The following QTMAN variants were observed in gnomAD, a reference collection of about 807,000 sequenced individuals.
The protein encoded by QTMAN is tRNA-queuosine alpha-mannosyltransferase.
At chr2:144,249,095 G>A in the QTMAN span, among the ~76,000 whole-genome samples, 1,076 of 152,210 alleles carry the variant, frequency 7.1e-3, 12 homozygotes, top group African/African-American at 0.025. Context: ...AAATGAAGTC[G>A]AAATTTAAAT....
the QTMAN span, among the ~76,000 whole-genome samples, chr2:144,211,942 G>T: frequency 6.6e-6 from 1 of 152,134 alleles, no homozygotes; most frequent in Non-Finnish European, 1.5e-5. Context: ...AGGCTAATAA[G>T]GAGTGAGTAC....
At chr2:144,064,908 G>A in the QTMAN span, among the ~76,000 whole-genome samples, 2 of 152,092 alleles carry the variant, frequency 1.3e-5, no homozygotes, top group African/African-American at 4.8e-5. Flanking sequence ...TATGAAAATG[G>A]GAGCCCAGAA....
At chr2:144,332,577 G>T in the QTMAN span, 10 of 149,100 alleles carry the variant, frequency 6.7e-5, no homozygotes, top group African/African-American at 2.4e-4. Context: ...CTCGGCCTCC[G>T]GGCGCGTCAG....
the QTMAN span, among the ~76,000 whole-genome samples, chr2:144,022,349 G>A: frequency 6.6e-6 from 1 of 151,672 alleles, no homozygotes; most frequent in Non-Finnish European, 1.5e-5. Flanking sequence ...GAGTGCAGTG[G>A]TATGATCACA....
chr2:144,314,082 A>G, the QTMAN span, among the ~76,000 whole-genome samples: 1 of 152,182 alleles, frequency 6.6e-6, no homozygotes, highest in Non-Finnish European at 1.5e-5. Context: ...TGTTCATAAA[A>G]TGACTTATAC....
chr2:144,027,296 A>G, the QTMAN span, among the ~76,000 whole-genome samples: 4 of 152,242 alleles, frequency 2.6e-5, no homozygotes, highest in Non-Finnish European at 4.4e-5. Flanking sequence ...TCACAGCATT[A>G]TATTACGTTG....
the QTMAN span, among the ~76,000 whole-genome samples, chr2:144,059,203 G>T: frequency 6.6e-6 from 1 of 152,022 alleles, no homozygotes; most frequent in Non-Finnish European, 1.5e-5. Flanking sequence ...CATAGTTTTT[G>T]TGCCTCTAGT....
the QTMAN span, among the ~76,000 whole-genome samples, chr2:143,985,839 C>T: frequency 5.3e-5 from 8 of 152,076 alleles, no homozygotes; most frequent in Non-Finnish European, 1.0e-4. Flanking sequence ...TCCTTTATAT[C>T]TTCATAGTTT....
the QTMAN span, among the ~76,000 whole-genome samples, chr2:144,062,291 G>A: frequency 6.4e-4 from 98 of 152,248 alleles, no homozygotes; most frequent in African/African-American, 2.2e-3. Flanking sequence ...CACAGTGGCC[G>A]AGTAAACAAG....
chr2:144,124,206 T>C, the QTMAN span, among the ~76,000 whole-genome samples: 17 of 152,152 alleles, frequency 1.1e-4, 1 homozygote, highest in African/African-American at 4.1e-4. Flanking sequence ...AAGAAGCAAG[T>C]GCCATACCAG....
chr2:144,325,739 AC>A, the QTMAN span, among the ~76,000 whole-genome samples: 5 of 152,304 alleles, frequency 3.3e-5, no homozygotes, highest in African/African-American at 1.2e-4. Context: ...ACATATACAC[AC>A]ACTCCACTAC....
At chr2:143,990,593 T>C in the QTMAN span, among the ~76,000 whole-genome samples, 1 of 152,198 alleles carries the variant, frequency 6.6e-6, no homozygotes, top group Admixed American at 6.5e-5. Context: ...AATTCTCCTG[T>C]AATTTCCTAA....
At chr2:143,991,621 C>T in the QTMAN span, among the ~76,000 whole-genome samples, 6 of 144,052 alleles carry the variant, frequency 4.2e-5, no homozygotes, top group East Asian at 2.2e-4. Flanking sequence ...CGCCTCTGCC[C>T]GGCCGCCCCT....
chr2:143,946,943 G>A, the QTMAN span: 1 of 767,326 alleles, frequency 1.3e-6, no homozygotes, highest in Non-Finnish European at 2.2e-6. Context: ...GCCAGGCTCA[G>A]CTTCCTCTGC....
the QTMAN span, among the ~76,000 whole-genome samples, chr2:144,035,643 G>A: frequency 6.6e-6 from 1 of 152,170 alleles, no homozygotes; most frequent in Non-Finnish European, 1.5e-5. Context: ...TTTGACAGAT[G>A]TGTAGAAACT....
the QTMAN span, among the ~76,000 whole-genome samples, chr2:144,292,699 G>A: frequency 3.9e-5 from 6 of 152,052 alleles, no homozygotes; most frequent in African/African-American, 1.4e-4. Flanking sequence ...AATGGAAATT[G>A]AGTATGTTCA....
the QTMAN span, among the ~76,000 whole-genome samples, chr2:144,242,905 T>C: frequency 7.3e-6 from 1 of 136,828 alleles, no homozygotes; most frequent in Non-Finnish European, 1.5e-5. Context: ...GAGGTTGCAG[T>C]GAGCCGAAAT....
At chr2:144,252,212 A>C in the QTMAN span, among the ~76,000 whole-genome samples, 1 of 152,042 alleles carries the variant, frequency 6.6e-6, no homozygotes, top group Admixed American at 6.6e-5. Context: ...ACAAAGAATA[A>C]ATTTGAAAAA....
At chr2:144,031,732 T>C in the QTMAN span, among the ~76,000 whole-genome samples, 1 of 152,188 alleles carries the variant, frequency 6.6e-6, no homozygotes, top group Non-Finnish European at 1.5e-5. Context: ...GAAATTTTTA[T>C]GCTCTTAGGG....
Sources: allele counts gnomAD v4.1 joint callset (sites outside exome capture counted in the v4.1 genomes callset), GRCh38; gene constraint gnomAD v4.1.1; transcripts MANE v1.5; gene names NCBI Gene and HGNC (gene_info 2026-07-23, HGNC 2026-07-21).